Variants in CLEC3B observed in about 807,000 individuals in gnomAD.
The protein encoded by CLEC3B is C-type lectin domain family 3 member B, also known as tetranectin.
In CLEC3B, 13 loss-of-function variants were observed where a neutral mutation model predicts 15.4. That is an observed-to-expected ratio of 0.84 (90% CI 0.55 to 1.34). CLEC3B has a LOEUF of 1.34. Ranked by LOEUF, CLEC3B falls within the 40% of genes most tolerant of loss-of-function variation. CLEC3B has a pLI of 0.00. For missense variants in CLEC3B, 242 were observed against 268.6 expected (o/e 0.90, Z 0.69); for synonymous variants, 112 against 114.7 (o/e 0.98, Z 0.15).
chr3:45,033,192 A>C lies in CLEC3B; in HGVS notation c.208+2267A>C, dbSNP rs544431104. ...AACTCTAAGGTCTCTCTCATGTCTA[A>C]GCTCTGTGCTGTGCAAAGTCAATGT... On this transcript the variant is annotated intron_variant, in intron 2 of 2. Coordinates refer to ENST00000296130, the MANE Select transcript of CLEC3B (RefSeq NM_003278.3). Among the ~76,000 whole-genome samples the C allele has an allele frequency of 9.9e-5, 15 of 152,244 alleles. No homozygotes were observed. The South Asian group carries it at 3.1e-3, about 32-fold the overall frequency.
At chr3:45,033,823 G>A (rs192670248) in intron 2 of CLEC3B, among the ~76,000 whole-genome samples, 93 of 152,330 alleles carry the variant, frequency 6.1e-4, no homozygotes, top group African/African-American at 2.0e-3. Context: ...AGGGTCCTAG[G>A]AAGCAACTCT....
At chr3:45,030,756 C>T in intron 1 of CLEC3B, 71 bp from the exon 2 acceptor site, 1 of 1,029,340 alleles carries the variant, frequency 9.7e-7, no homozygotes, top group Non-Finnish European at 1.5e-6. Context: ...TCCTCTCATC[C>T]CTCTGCAGCT....
chr3:45,035,783 C>T lies in CLEC3B; in HGVS notation c.468C>T (p.Asn156=). The change falls in exon 3 of 3, where the codon AAC becomes AAT. Residue 156 remains asparagine, a synonymous_variant. Transcript: ENST00000296130. ...CCGGCGCCCGCATCGCCTACAAGAA[C>T]TGGGAGACTGAGATCACCGCGCAAC... ...DMTGARIAYK[N]WETEITAQPD... 1.2e-6 allele frequency: 2 copies of T among 1,613,682 alleles called. No individual in the cohort carries two copies. The highest frequency in any genetic ancestry group is 1.7e-6 in the Non-Finnish European group (2 of 1,179,974).
rs548137814 is a variant in CLEC3B at position 45,031,365 on chromosome 3, C to T, written c.208+440C>T. Among the ~76,000 whole-genome samples, 9 of 152,358 alleles carry T rather than the reference C, an allele frequency of 5.9e-5. No homozygotes were observed. The East Asian group carries it at 1.5e-3, about 26-fold the overall frequency. ...CCTGTGTGTCAGCAGCTTTGCTGAC[C>T]CTGTCTCTCTTAATCGTAACTCTGC... On this transcript the variant is annotated intron_variant, in intron 2 of 2. Transcript: ENST00000296130.
intron 1 of CLEC3B, among the ~76,000 whole-genome samples, chr3:45,026,920 A>C (rs759490609): frequency 1.3e-5 from 2 of 152,194 alleles, no homozygotes; most frequent in Admixed American, 1.3e-4. Context: ...AAGGCACCTC[A>C]CTTGTTGCTT....
intron 2 of CLEC3B, among the ~76,000 whole-genome samples, chr3:45,035,230 G>A (rs1697620636): frequency 6.6e-6 from 1 of 152,208 alleles, no homozygotes; most frequent in East Asian, 1.9e-4. Context: ...GGCCTGGGAA[G>A]GGGTGTCAGC....
rs1697637960 is a variant in CLEC3B at position 45,035,902 on chromosome 3, T to C, written c.587T>C (p.Ile196Thr). Residue 196 changes from isoleucine (I) to threonine (T), a missense_variant, in exon 3 of 3, where the codon ATC becomes ACC. Transcript: ENST00000296130. The stretch of plus-strand genomic sequence containing the variant: ...CGCTGCCGCGATCAGCTGCCCTACA[T>C]CTGCCAGTTCGGGATCGTGTAGCCG... ...DKRCRDQLPY[I>T]CQFGIV 5 of 1,602,616 alleles carry C rather than the reference T, an allele frequency of 3.1e-6. No individual in the cohort carries two copies. Among genetic ancestry groups the C allele is most frequent in the Non-Finnish European group, 4.3e-6 (5 of 1,174,730 alleles).
intron 2 of CLEC3B, among the ~76,000 whole-genome samples, chr3:45,033,844 T>G (rs1025577555): frequency 6.6e-6 from 1 of 152,158 alleles, no homozygotes; most frequent in Non-Finnish European, 1.5e-5. Context: ...GAGATGGAGT[T>G]TAACCCACAG....
At chr3:45,033,471 C>A (rs750112560) in intron 2 of CLEC3B, among the ~76,000 whole-genome samples, 107 of 152,140 alleles carry the variant, frequency 7.0e-4, no homozygotes, top group Non-Finnish European at 1.1e-3. Context: ...AATCAGGGGG[C>A]AACCTTTCCC....
Position 45,030,852 on chromosome 3 carries a change from G to T in CLEC3B, c.135G>T (p.Glu45Asp). 1 of 1,595,426 alleles carries T rather than the reference G, an allele frequency of 6.3e-7. No individual in the cohort carries two copies. ...KKDVVNTKMFEELKSRLDTLA... is the reference protein window; with the variant it reads ...KKDVVNTKMFDELKSRLDTLA... ...ATGTTGTGAACACAAAGATGTTTGA[G>T]GAGCTCAAGAGCCGTCTGGACACCC... Residue 45 changes from glutamate to aspartate, a missense_variant, in exon 2 of 3, where the codon GAG becomes GAT. Physicochemically the swap from Glu to Asp is conservative, Grantham distance 45. Transcript: ENST00000296130.
chr3:45,034,799 C>T (rs1186989491), intron 2 of CLEC3B, among the ~76,000 whole-genome samples: 1 of 152,206 alleles, frequency 6.6e-6, no homozygotes, highest in Non-Finnish European at 1.5e-5. Context: ...TTCTCTCTTG[C>T]AGTCTCAGCT....
In CLEC3B at chr3:45,035,521, C is replaced by T; in HGVS notation, c.209-3C>T. 1 of 1,586,128 alleles carries T rather than the reference C, an allele frequency of 6.3e-7. No individual in the cohort carries two copies. The highest frequency in any genetic ancestry group is 8.6e-7 in the Non-Finnish European group (1 of 1,161,844). On this transcript the variant is annotated splice_region_variant and splice_polypyrimidine_tract_variant and intron_variant, in intron 2 of 2. Transcript: ENST00000296130. Reference sequence around the variant, plus strand: ...GGTGACAGCCATTTCTCCCCACTCCCAGTCTGCCTGAAGGGGACCAAGGTG... The same window carrying T: ...GGTGACAGCCATTTCTCCCCACTCCTAGTCTGCCTGAAGGGGACCAAGGTG...
In CLEC3B at chr3:45,035,877, C is replaced by G. The variant is rs1389601536; in HGVS notation, c.562C>G (p.Arg188Gly). ...GAANGKWFDKRCRDQLPYICQ... is the reference protein window; with the variant it reads ...GAANGKWFDKGCRDQLPYICQ... ...GGCCAACGGCAAGTGGTTCGACAAGCGCTGCCGCGATCAGCTGCCCTACAT... is the reference window on the plus strand; with the variant it reads ...GGCCAACGGCAAGTGGTTCGACAAGGGCTGCCGCGATCAGCTGCCCTACAT... Residue 188 changes from arginine (R) to glycine (G), a missense_variant, in exon 3 of 3, where the codon CGC (arginine) becomes GGC (glycine). By Grantham distance (125) the Arg-to-Gly change is moderately radical (BLOSUM62 -2). Coordinates refer to ENST00000296130, the MANE Select transcript of CLEC3B (RefSeq NM_003278.3). The G allele has an allele frequency of 1.2e-6, 2 of 1,610,642 alleles. No individual in the cohort carries two copies. Among genetic ancestry groups the G allele is most frequent in the South Asian group, 2.2e-5 (2 of 91,024 alleles).
intron 2 of CLEC3B, among the ~76,000 whole-genome samples, chr3:45,032,050 C>G (rs995137553): frequency 6.6e-6 from 1 of 151,830 alleles, no homozygotes; most frequent in African/African-American, 2.4e-5. Flanking sequence ...GGAGCAGAGC[C>G]TCACTTAGCT....
At chr3:45,031,109 C>T (rs1033571404) in intron 2 of CLEC3B, among the ~76,000 whole-genome samples, 184 bp downstream of exon 2, 1 of 152,254 alleles carries the variant, frequency 6.6e-6, no homozygotes, top group African/African-American at 2.4e-5. Flanking sequence ...TCCCCTGACA[C>T]GTGTCTGCAA....
At position 45,035,694 on chromosome 3, in the gene CLEC3B, A is replaced by G. The variant is rs1291812172; in HGVS notation, c.379A>G (p.Asn127Asp). ...LYEYLRQSVG[N>D]EAEIWLGLND... ...TGAGTACCTGCGCCAGAGCGTGGGC[A>G]ACGAGGCCGAGATCTGGCTGGGCCT... is the stretch of plus-strand genomic sequence containing the variant. Residue 127 changes from asparagine to aspartate, a missense_variant, in exon 3 of 3, where the codon AAC (asparagine) becomes GAC (aspartate). Transcript: ENST00000296130. 1 of 1,613,854 alleles carries G rather than the reference A, an allele frequency of 6.2e-7. No homozygotes were observed. The highest frequency in any genetic ancestry group is 8.5e-7 in the Non-Finnish European group (1 of 1,180,026).
chr3:45,035,485 G>C (rs763123194), intron 2 of CLEC3B, 39 bp from the exon 3 acceptor site: 1 of 1,559,036 alleles, frequency 6.4e-7, no homozygotes, highest in Non-Finnish European at 8.7e-7. Context: ...CTGGGGAACA[G>C]GGGGACCTTC....
chr3:45,031,820 ATG>A, intron 2 of CLEC3B, among the ~76,000 whole-genome samples: 1 of 150,554 alleles, frequency 6.6e-6, no homozygotes, highest in Admixed American at 6.6e-5. Context: ...CACAATACTG[ATG>A]ACTATTTACA....
Position 45,035,725 on chromosome 3 carries a change from A to T in CLEC3B, c.410A>T (p.Asp137Val). ...NEAEIWLGLN[D>V]MAAEGTWVDM... ...GCCGAGATCTGGCTGGGCCTCAACGACATGGCGGCCGAGGGCACCTGGGTG... is the reference window on the plus strand; with the variant it reads ...GCCGAGATCTGGCTGGGCCTCAACGTCATGGCGGCCGAGGGCACCTGGGTG... Residue 137 changes from aspartate (D) to valine (V), a missense_variant, in exon 3 of 3, where the codon GAC becomes GTC. Coordinates refer to ENST00000296130, the MANE Select transcript of CLEC3B (RefSeq NM_003278.3). 1 of 1,613,794 alleles carries T rather than the reference A, an allele frequency of 6.2e-7. No individual in the cohort carries two copies. The highest frequency in any genetic ancestry group is 8.5e-7 in the Non-Finnish European group (1 of 1,180,004).
Sources: allele counts gnomAD v4.1 joint callset (sites outside exome capture counted in the v4.1 genomes callset), GRCh38; gene constraint gnomAD v4.1.1; transcripts MANE v1.5; gene names NCBI Gene and HGNC (gene_info 2026-07-23, HGNC 2026-07-21).